The following APMAP variants were observed in gnomAD, a reference collection of about 807,000 sequenced individuals.
APMAP encodes the protein adipocyte plasma membrane associated protein, also known as adipocyte plasma membrane-associated protein.
APMAP carries 33 observed loss-of-function variants against 43.6 expected under a neutral mutation model. The ratio of observed to expected loss-of-function variants is 0.76; its 90% CI spans 0.57 to 1.01. The LOEUF is 1.01. Among genes scored for constraint, APMAP ranks in the 50% least tolerant of loss-of-function variants. APMAP has a pLI of 0.00. For missense variants in APMAP, 498 were observed against 540.7 expected (o/e 0.92, Z 0.78); for synonymous variants, 224 against 216.7 (o/e 1.03, Z -0.30).
At position 24,992,712 on chromosome 20, in the gene APMAP, C is replaced by CA. The variant is rs1370140172; in HGVS notation, c.-25dup. On this transcript the variant is annotated 5_prime_UTR_variant, in exon 1 of 9. Coordinates refer to ENST00000217456, the MANE Select transcript of APMAP (RefSeq NM_020531.3). ...ATGGTACGGGCGCCAGCCTCACCCG[C>CA]AGAAACCACCTCACACTGAGCGGCG... 1.3e-6 allele frequency: 2 copies of CA among 1,492,850 alleles called. No individual in the cohort carries two copies. Among genetic ancestry groups the CA allele is most frequent in the Non-Finnish European group, 1.8e-6 (2 of 1,118,260 alleles). The allele number at this position is 1,492,850 out of a possible 1,614,324, so 92.5% of individuals were successfully genotyped here. A position where few individuals can be genotyped will look rare whatever the true frequency, so the allele number is the denominator to read the frequency against.
intron 3 of APMAP, 25 bp downstream of exon 3, chr20:24,978,742 C>CCCT: frequency 8.3e-7 from 1 of 1,206,846 alleles, no homozygotes; most frequent in Non-Finnish European, 1.2e-6. Flanking sequence ...TGGAAGGCTC[C>CCCT]CCCCCCACCC....
At chr20:24,982,623 T>C (rs974552774) in intron 2 of APMAP, among the ~76,000 whole-genome samples, 3 of 152,168 alleles carry the variant, frequency 2.0e-5, no homozygotes, top group Non-Finnish European at 4.4e-5. Flanking sequence ...TCTCTCCAAC[T>C]CAAAACTCAA....
intron 8 of APMAP, 22 bp from the exon 9 acceptor site, chr20:24,964,044 G>A (rs1217474061): frequency 1.2e-5 from 19 of 1,611,922 alleles, no homozygotes; most frequent in Non-Finnish European, 1.5e-5. Context: ...CACAGTGCAG[G>A]GAAAGTTCAC....
At chr20:24,966,493 G>A (rs796567596) in intron 8 of APMAP, among the ~76,000 whole-genome samples, 8 of 152,274 alleles carry the variant, frequency 5.3e-5, no homozygotes, top group African/African-American at 1.4e-4. Flanking sequence ...CTGGTATCGC[G>A]CCCTCATGAC....
Position 24,973,648 on chromosome 20 carries a change from A to T in APMAP, c.418T>A (p.Cys140Ser). 1 of 1,613,438 alleles carries T rather than the reference A, an allele frequency of 6.2e-7. No individual in the cohort carries two copies. Among genetic ancestry groups the T allele is most frequent in the South Asian group, 1.1e-5 (1 of 91,036 alleles). Residue 140 changes from cysteine (C) to serine (S), a missense_variant, in exon 4 of 9, where the codon TGC becomes AGC. Physicochemically the swap from Cys to Ser is moderately radical, Grantham distance 112. Coordinates refer to ENST00000217456, the MANE Select transcript of APMAP (RefSeq NM_020531.3). ...ETIARFGSGP[C>S]KTRDDEPVCG... ...CGAGGGATTATCACCAACTTACTGCAAGGGCCCGAACCAAACCGGGCAATG... is the reference window on the plus strand; with the variant it reads ...CGAGGGATTATCACCAACTTACTGCTAGGGCCCGAACCAAACCGGGCAATG...
At position 24,970,301 on chromosome 20, in the gene APMAP, A is replaced by C. The variant is rs1260595759; in HGVS notation, c.609T>G (p.Leu203=). ...EGKNMSFVND[L]TVTQDGRKIY... is the part of the protein sequence containing the mutation. ...TCTTCCTCCCATCCTGAGTGACTGT[A>C]AGATCATTCACAAAGGACATGTTCT... is the stretch of plus-strand genomic sequence containing the variant. The change falls in exon 6 of 9, where the codon CTT becomes CTG. Residue 203 remains leucine (L), a synonymous_variant. Coordinates refer to ENST00000217456, the MANE Select transcript of APMAP (RefSeq NM_020531.3). 1 of 1,614,074 alleles carries C rather than the reference A, an allele frequency of 6.2e-7. No homozygotes were observed. The highest frequency in any genetic ancestry group is 8.5e-7 in the Non-Finnish European group (1 of 1,180,004).
chr20:24,969,813 G>C (rs2087983504), intron 6 of APMAP, among the ~76,000 whole-genome samples, 153 bp from the exon 7 acceptor site: 1 of 152,194 alleles, frequency 6.6e-6, no homozygotes, highest in Non-Finnish European at 1.5e-5. Context: ...GCTGGCCCCT[G>C]GGGGCCCTTC....
intron 2 of APMAP, among the ~76,000 whole-genome samples, chr20:24,980,171 C>T (rs1297525930): frequency 1.3e-5 from 2 of 152,240 alleles, no homozygotes; most frequent in African/African-American, 2.4e-5. Context: ...CAACATGGCA[C>T]ACAGAAGGCT....
intron 8 of APMAP, among the ~76,000 whole-genome samples, chr20:24,968,510 G>T (rs1568810888): frequency 6.6e-6 from 1 of 152,186 alleles, no homozygotes; most frequent in Non-Finnish European, 1.5e-5. Context: ...CAGAGAGGGG[G>T]GTGGAGAGCA....
intron 3 of APMAP, among the ~76,000 whole-genome samples, 160 bp downstream of exon 3, chr20:24,978,607 C>T (rs1312278078): frequency 6.6e-6 from 1 of 152,172 alleles, no homozygotes; most frequent in East Asian, 1.9e-4. Context: ...TAGGGCCTCC[C>T]ATGTGATGTC....
At chr20:24,976,190 T>G (rs1419459134) in intron 3 of APMAP, among the ~76,000 whole-genome samples, 1 of 152,174 alleles carries the variant, frequency 6.6e-6, no homozygotes, top group Non-Finnish European at 1.5e-5. Context: ...GAAGAAATAA[T>G]TAATAAGTGA....
intron 3 of APMAP, among the ~76,000 whole-genome samples, chr20:24,975,384 A>G (rs2088042434): frequency 6.6e-6 from 1 of 152,218 alleles, no homozygotes; most frequent in African/African-American, 2.4e-5. Flanking sequence ...ACTAACAATG[A>G]ACAAATGGAA....
Position 24,992,695 on chromosome 20 carries a change from G to C in APMAP, c.-7C>G, listed in dbSNP as rs933766662. ...GCCCGTCCGCCTCGCTCATGGTACGGGCGCCAGCCTCACCCGCAGAAACCA... is the reference window on the plus strand; with the variant it reads ...GCCCGTCCGCCTCGCTCATGGTACGCGCGCCAGCCTCACCCGCAGAAACCA... On this transcript the variant is annotated 5_prime_UTR_variant, in exon 1 of 9. Coordinates refer to ENST00000217456, the MANE Select transcript of APMAP (RefSeq NM_020531.3). 2 of 1,511,668 alleles carry C rather than the reference G, an allele frequency of 1.3e-6. No homozygotes were observed. The highest frequency in any genetic ancestry group is 2.6e-5 in the East Asian group (1 of 38,718). The allele number at this position is 1,511,668 out of a possible 1,614,324, so 93.6% of individuals were successfully genotyped here.
intron 7 of APMAP, 99 bp downstream of exon 7, chr20:24,969,427 C>A: frequency 6.7e-7 from 1 of 1,488,482 alleles, no homozygotes; most frequent in South Asian, 1.3e-5. Context: ...AGGTGCGCTG[C>A]TGCCTCTGAT....
At chr20:24,984,476 A>G (rs2088131697) in intron 1 of APMAP, among the ~76,000 whole-genome samples, 2 of 152,258 alleles carry the variant, frequency 1.3e-5, no homozygotes, top group Admixed American at 6.5e-5. Context: ...AGATTCTCAC[A>G]GATAGAAGAG....
chr20:24,970,013 G>A (rs1397876398), intron 6 of APMAP, among the ~76,000 whole-genome samples, 184 bp downstream of exon 6: 5 of 152,200 alleles, frequency 3.3e-5, no homozygotes, highest in East Asian at 1.9e-4. Context: ...CAGAGAAAAC[G>A]AAAGCACCTT....
intron 3 of APMAP, chr20:24,974,242 A>T (rs2088031069): frequency 6.6e-6 from 1 of 152,338 alleles, no homozygotes; most frequent in Admixed American, 6.5e-5. Context: ...CCCCTTGAGC[A>T]ATGATGATAC....
chr20:24,975,474 C>A (rs906494753), intron 3 of APMAP, among the ~76,000 whole-genome samples: 1 of 152,128 alleles, frequency 6.6e-6, no homozygotes, highest in Admixed American at 6.5e-5. Flanking sequence ...ATATAATATA[C>A]ACGAGGTCTA....
intron 2 of APMAP, among the ~76,000 whole-genome samples, chr20:24,982,889 C>G (rs1261479135): frequency 6.6e-6 from 1 of 150,550 alleles, no homozygotes; most frequent in East Asian, 1.9e-4. Flanking sequence ...GTCCTCAGGC[C>G]TGGCTCAGGC....
Sources: allele counts gnomAD v4.1 joint callset (sites outside exome capture counted in the v4.1 genomes callset), GRCh38; gene constraint gnomAD v4.1.1; transcripts MANE v1.5; gene names NCBI Gene and HGNC (gene_info 2026-07-23, HGNC 2026-07-21).